Variants in DPP9 observed in about 807,000 individuals in gnomAD.
DPP9 encodes the protein dipeptidyl peptidase 9, also known as dipeptidyl peptidase IV-related protein-2.
In DPP9, 50 loss-of-function variants were observed where a neutral mutation model predicts 110.7. That is an observed-to-expected ratio of 0.45 (90% CI 0.36 to 0.57). The LOEUF (loss-of-function observed/expected upper bound fraction) is 0.57. Among genes scored for constraint, DPP9 ranks in the 20% least tolerant of loss-of-function variants. DPP9 has a pLI of 0.00. For synonymous variants in DPP9, 561 were observed against 514.4 expected (o/e 1.09, Z -1.23); for missense variants, 1,022 against 1,217.9 (o/e 0.84, Z 2.39).
chr19:4,719,770 C>A lies in DPP9; in HGVS notation c.56+81G>T, dbSNP rs145099302. 65 of 1,482,072 alleles carry A rather than the reference C, an allele frequency of 4.4e-5. No homozygotes were observed. The East Asian group carries it at 4.7e-4, about 11-fold the overall frequency. The allele number at this position is 1,482,072 out of a possible 1,614,324, so 91.8% of individuals were successfully genotyped here. A position where few individuals can be genotyped will look rare whatever the true frequency, so the allele number is the denominator to read the frequency against. On this transcript the variant is annotated intron_variant, in intron 3 of 21. Transcript: ENST00000262960. ...AGCCAGGGGAGAGGGAAAGAAGGGG[C>A]CTTCCAGATCTTAGACTGTTGGGGA...
intron 21 of DPP9, among the ~76,000 whole-genome samples, chr19:4,677,305 CT>C (rs571463709): frequency 2.8e-4 from 42 of 152,240 alleles, no homozygotes; most frequent in Admixed American, 1.9e-3. Context: ...CGGACAACCC[CT>C]ATAGCTCCCC....
chr19:4,685,599 G>T lies in DPP9; in HGVS notation c.2031+27C>A. The T allele has an allele frequency of 1.3e-6, 2 of 1,584,524 alleles. No homozygotes were observed. The highest frequency in any genetic ancestry group is 2.3e-5 in the East Asian group (1 of 43,742). Reference sequence around the variant, plus strand: ...AGTCCTCGGGTGGATGGTGGGGTGGGGGCCTGGGGAGCAGGTGTGCACTCA... The same window carrying T: ...AGTCCTCGGGTGGATGGTGGGGTGGTGGCCTGGGGAGCAGGTGTGCACTCA... On this transcript the variant is annotated intron_variant, in intron 17 of 21. Coordinates refer to ENST00000262960, the MANE Select transcript of DPP9 (RefSeq NM_139159.5). The surrounding 1 kb of genome is among the most constrained non-coding windows in gnomAD (Gnocchi z 5.8).
rs574619529 is a variant in DPP9 at position 4,708,383 on chromosome 19, T to C, written c.314-2413A>G. 2.6e-5 allele frequency among the ~76,000 whole-genome samples: 4 copies of C among 152,316 alleles called. No individual in the cohort carries two copies. In the South Asian group the frequency reaches 8.3e-4, roughly 32 times the overall value. On this transcript the variant is annotated intron_variant, in intron 4 of 21. Coordinates refer to ENST00000262960, the MANE Select transcript of DPP9 (RefSeq NM_139159.5). ...CCCCTGGCATTTAGGGTTCCTTTCT[T>C]TGGAATCCCAACCAGCCCCATCTGG... is the stretch of plus-strand genomic sequence containing the variant.
At chr19:4,690,766 T>G in intron 14 of DPP9, 112 bp downstream of exon 14, 5 of 850,380 alleles carry the variant, frequency 5.9e-6, no homozygotes, top group Non-Finnish European at 9.5e-6. Flanking sequence ...TGTGTGAGAA[T>G]GAGTATGTGT....
At chr19:4,708,967 G>A (rs1046813560) in intron 4 of DPP9, among the ~76,000 whole-genome samples, 1 of 152,240 alleles carries the variant, frequency 6.6e-6, no homozygotes, top group Non-Finnish European at 1.5e-5. Context: ...ACCCAGGCTG[G>A]AGTGCAATGG....
intron 4 of DPP9, among the ~76,000 whole-genome samples, chr19:4,709,939 C>T (rs2092754032): frequency 6.6e-6 from 1 of 152,208 alleles, no homozygotes; most frequent in South Asian, 2.1e-4. Context: ...AGGGCCACCT[C>T]CTTCTAGGCT....
chr19:4,723,033 T>A (rs978991052), intron 1 of DPP9, among the ~76,000 whole-genome samples: 1 of 152,168 alleles, frequency 6.6e-6, no homozygotes, highest in African/African-American at 2.4e-5. Flanking sequence ...AGAAGGGGGC[T>A]GAACCCTGTG....
In DPP9 at chr19:4,676,640, C is replaced by T; in HGVS notation, c.2603G>A (p.Arg868Lys). Residue 868 changes from arginine (R) to lysine (K), a missense_variant, in exon 22 of 22, where the codon AGA becomes AAA. By Grantham distance (26) the Arg-to-Lys change is conservative. This residue lies in a region of DPP9 where 209 missense variants were observed against 280.4 expected (regional missense o/e 0.75). Coordinates refer to ENST00000262960, the MANE Select transcript of DPP9 (RefSeq NM_139159.5). This position sits in a 1 kb window ranked among gnomAD's most constrained non-coding sequence, Gnocchi z 4.0. The part of the protein sequence containing the change: ...PYQLQIYPNE[R>K]HSIRCPESGE... ...CGACTCGGGGCAGCGAATACTGTGTCTCTCGTTGGGGTAGATCTGCGGGGA... is the reference window on the plus strand; with the variant it reads ...CGACTCGGGGCAGCGAATACTGTGTTTCTCGTTGGGGTAGATCTGCGGGGA... 6.2e-7 allele frequency: 1 copy of T among 1,605,610 alleles called. No homozygotes were observed. Among genetic ancestry groups the T allele is most frequent in the Non-Finnish European group, 8.5e-7 (1 of 1,176,098 alleles).
intron 4 of DPP9, among the ~76,000 whole-genome samples, chr19:4,709,188 G>A (rs752078867): frequency 4.6e-5 from 7 of 152,202 alleles, no homozygotes; most frequent in South Asian, 2.1e-4. Context: ...AAAGTGCTGG[G>A]ATTACAGGCG....
Position 4,700,802 on chromosome 19 carries a change from A to G in DPP9, c.1013-525T>C. ...GCTTCTGAAGAGTGGGACTTAGTTC[A>G]GGCTCCGAAAGAGGGCGCGGGCCAC... On this transcript the variant is annotated intron_variant, in intron 9 of 21. Transcript: ENST00000262960. This position sits in a 1 kb window ranked among gnomAD's most constrained non-coding sequence, Gnocchi z 4.3. 6.6e-6 allele frequency among the ~76,000 whole-genome samples: 1 copy of G among 152,220 alleles called. No individual in the cohort carries two copies. Among genetic ancestry groups the G allele is most frequent in the East Asian group, 1.9e-4 (1 of 5,194 alleles).
rs2093244007 is a variant in DPP9 at position 4,719,944 on chromosome 19, G to T, written c.-35-3C>A. The T allele has an allele frequency of 8.4e-6, 13 of 1,551,190 alleles. No homozygotes were observed. The highest frequency in any genetic ancestry group is 1.1e-5 in the Non-Finnish European group (13 of 1,146,712). On this transcript the variant is annotated splice_region_variant and splice_polypyrimidine_tract_variant and intron_variant, in intron 2 of 21. Transcript: ENST00000262960. ...TGACCTCAGGAGGGCAGGGGTGCCT[G>T]CGGGCAAGTGGGAGGAGAGATCAAA...
At chr19:4,691,037 C>G in intron 13 of DPP9, 80 bp from the exon 14 acceptor site, 1 of 1,074,836 alleles carries the variant, frequency 9.3e-7, no homozygotes, top group Non-Finnish European at 1.4e-6. Flanking sequence ...CAAATTCCAC[C>G]CGAGCAGACT....
rs1187726952 is a variant in DPP9, at chr19:4,683,624, C to T, written c.2184G>A (p.Gln728=). 1 of 1,613,430 alleles carries T rather than the reference C, an allele frequency of 6.2e-7. No individual in the cohort carries two copies. Among genetic ancestry groups the T allele is most frequent in the Non-Finnish European group, 8.5e-7 (1 of 1,179,858 alleles). ...CCTCCACCTGGTCCTCGATCTCCAC[C>T]TGGCCCTGAGGGATGAAGCCGGGCA... ...FEGALKNQMG[Q]VEIEDQVEGL... Residue 728 remains glutamine, a synonymous_variant, in exon 19 of 22, where the codon CAG becomes CAA. Transcript: ENST00000262960.
intron 4 of DPP9, among the ~76,000 whole-genome samples, chr19:4,708,123 G>T (rs553633622): frequency 5.1e-4 from 78 of 152,226 alleles, no homozygotes; most frequent in Non-Finnish European, 1.1e-3. Flanking sequence ...CCAGCTGCAG[G>T]TTTTTCCCTA....
In DPP9 at chr19:4,682,672, C is replaced by CGCAGG; in HGVS notation, c.2474+19_2474+23dup. 1.2e-6 allele frequency: 2 copies of CGCAGG among 1,606,106 alleles called. No homozygotes were observed. Among genetic ancestry groups the CGCAGG allele is most frequent in the South Asian group, 2.2e-5 (2 of 89,532 alleles). On this transcript the variant is annotated intron_variant, in intron 20 of 21. Coordinates refer to ENST00000262960, the MANE Select transcript of DPP9 (RefSeq NM_139159.5). This position sits in a 1 kb window ranked among gnomAD's most constrained non-coding sequence, Gnocchi z 7.1. ...GTGCAGGAGAAGCCCCGGGGAGGAG[C>CGCAGG]GCAGGGCAGGGCAGTGGCCTTACTC...
intron 4 of DPP9, among the ~76,000 whole-genome samples, chr19:4,708,252 G>A (rs751650966): frequency 2.4e-4 from 36 of 152,120 alleles, no homozygotes; most frequent in Middle Eastern, 3.2e-3. Context: ...CCCCCTTGCC[G>A]AGGACACACC....
At chr19:4,719,685 C>G (rs2093233177) in intron 3 of DPP9, 166 bp downstream of exon 3, 2 of 807,730 alleles carry the variant, frequency 2.5e-6, no homozygotes, top group East Asian at 5.4e-5. Flanking sequence ...AGACCCCGCA[C>G]TACGCCACAC....
In DPP9 at chr19:4,682,023, T is replaced by C. The variant is rs1412194968; in HGVS notation, c.2474+673A>G. Among the ~76,000 whole-genome samples, 1 of 151,846 alleles carries C rather than the reference T, an allele frequency of 6.6e-6. No individual in the cohort carries two copies. The highest frequency in any genetic ancestry group is 1.9e-4 in the East Asian group (1 of 5,160). Reference sequence around the variant, plus strand: ...GCCACCACACCCGGCTAATTTTTTGTATTTTTAGTAGAGACGGGGTTTCAT... The same window carrying C: ...GCCACCACACCCGGCTAATTTTTTGCATTTTTAGTAGAGACGGGGTTTCAT... On this transcript the variant is annotated intron_variant, in intron 20 of 21. Coordinates refer to ENST00000262960, the MANE Select transcript of DPP9 (RefSeq NM_139159.5). This position sits in a 1 kb window ranked among gnomAD's most constrained non-coding sequence, Gnocchi z 7.1.
chr19:4,710,364 C>T lies in DPP9; in HGVS notation c.313+3717G>A, dbSNP rs1012607275. On this transcript the variant is annotated intron_variant, in intron 4 of 21. Transcript: ENST00000262960. This position sits in a 1 kb window ranked among gnomAD's most constrained non-coding sequence, Gnocchi z 5.6. ...CTGGAACCCTGTGGCCTCCTCCAGCCACAGAAGTCACCGTTTGCAGTGGGG... is the reference window on the plus strand; with the variant it reads ...CTGGAACCCTGTGGCCTCCTCCAGCTACAGAAGTCACCGTTTGCAGTGGGG... Among the ~76,000 whole-genome samples the T allele has an allele frequency of 1.3e-5, 2 of 152,236 alleles. No individual in the cohort carries two copies. The highest frequency in any genetic ancestry group is 4.8e-5 in the African/African-American group (2 of 41,450).
Sources: gnomAD v4.1 joint callset for allele counts (sites outside exome capture counted in the v4.1 genomes callset) on GRCh38, gnomAD v4.1.1 for gene constraint, gnomAD v4.1.1 regional missense constraint, Gnocchi (gnomAD v3.1) non-coding constraint, MANE v1.5 for transcripts, NCBI Gene and HGNC (gene_info 2026-07-23, HGNC 2026-07-21) for gene names.